CELF2: variants seen among roughly 807,000 people sequenced by gnomAD.
The protein encoded by CELF2 is CUGBP Elav-like family member 2, also known as CUG triplet repeat RNA-binding protein 2.
A neutral mutation model predicts 62.6 loss-of-function variants in CELF2; 8 were observed. The observed-to-expected ratio is 0.13, with a 90% CI of 0.07 to 0.23. The LOEUF is 0.23. CELF2 is among the 10% of genes least tolerant of loss of function. The pLI, the probability that CELF2 is intolerant of heterozygous loss-of-function variation, is 1.00. For missense variants in CELF2, 333 were observed against 671.0 expected, an observed-to-expected ratio of 0.50 and a Z score of 5.56; for synonymous variants, 258 against 250.0, an observed-to-expected ratio of 1.03 and a Z score of -0.30.
At chr10:11,094,141 A>C (rs2049108575) in intron 1 of CELF2, among the ~76,000 whole-genome samples, 1 of 152,184 alleles carries the variant, frequency 6.6e-6, no homozygotes. Flanking sequence ...CCTGGTGTTT[A>C]TGAAACATGT....
intron 1 of CELF2, among the ~76,000 whole-genome samples, chr10:10,849,224 C>G (rs2059216965): frequency 6.7e-6 from 1 of 150,160 alleles, no homozygotes; most frequent in Non-Finnish European, 1.5e-5. Flanking sequence ...TAGTGAAACC[C>G]TATCTCTACT....
rs534633840 is a variant in CELF2, at chr10:11,302,301, C to G, written c.977-11838C>G. ...TTTGACAGCACCGCATCGGATAGTC[C>G]TGACACACGTGGTTCTCTAATGTTT... On this transcript the variant is annotated intron_variant, in intron 9 of 12. Transcript: ENST00000633077. The surrounding 1 kb of genome is among the most constrained non-coding windows in gnomAD (Gnocchi z 5.0). 1.3e-5 allele frequency among the ~76,000 whole-genome samples: 2 copies of G among 152,306 alleles called. No individual in the cohort carries two copies. The highest frequency in any genetic ancestry group is 2.9e-5 in the Non-Finnish European group (2 of 68,036).
rs1166324459 is a variant in CELF2 at position 11,217,383 on chromosome 10, C to T, written c.272-42C>T. On this transcript the variant is annotated intron_variant, in intron 2 of 12. Coordinates refer to ENST00000633077, the MANE Select transcript of CELF2 (RefSeq NM_001326342.2). The surrounding 1 kb of genome is among the most constrained non-coding windows in gnomAD (Gnocchi z 5.6). ...CAGTCTCCATTATATCTAAGCAAAG[C>T]ATTCACAGAAATTTCTAAAACCTTT... 7.3e-7 allele frequency: 1 copy of T among 1,378,300 alleles called. No individual in the cohort carries two copies. 85.4% of individuals were successfully genotyped at this position (1,378,300 alleles called of 1,614,324 possible). A position where few individuals can be genotyped will look rare whatever the true frequency, so the allele number is the denominator to read the frequency against.
intron 1 of CELF2, among the ~76,000 whole-genome samples, chr10:10,889,063 T>C (rs1027085627): frequency 2.0e-5 from 3 of 152,172 alleles, no homozygotes; most frequent in Admixed American, 6.5e-5. Flanking sequence ...TTATTTCTTC[T>C]CTTGTCAGAA....
the CELF2 span, among the ~76,000 whole-genome samples, chr10:10,536,930 A>G: frequency 1.3e-5 from 2 of 152,176 alleles, no homozygotes; most frequent in South Asian, 2.1e-4. Flanking sequence ...AGGGGGCTCC[A>G]CTGGCTAGTG....
At chr10:11,212,429 G>A (rs1228067673) in intron 2 of CELF2, among the ~76,000 whole-genome samples, 1 of 152,206 alleles carries the variant, frequency 6.6e-6, no homozygotes, top group Non-Finnish European at 1.5e-5. Context: ...TAAGGGCCCT[G>A]CTAGATGTTG....
At chr10:10,511,442 A>G in the CELF2 span, among the ~76,000 whole-genome samples, 1 of 151,986 alleles carries the variant, frequency 6.6e-6, no homozygotes, top group African/African-American at 2.4e-5. Context: ...AAATATATGT[A>G]TACATATATT....
the CELF2 span, among the ~76,000 whole-genome samples, chr10:10,658,187 A>G: frequency 6.6e-6 from 1 of 152,100 alleles, no homozygotes; most frequent in Non-Finnish European, 1.5e-5. Flanking sequence ...CTCAAAAAAA[A>G]CCCTAATACA....
At chr10:11,016,634 A>G (rs948892294), upstream of CELF2, among the ~76,000 whole-genome samples, 1 of 152,186 alleles carries the variant, frequency 6.6e-6, no homozygotes, top group African/African-American at 2.4e-5. The surrounding 1 kb of genome is among the most constrained non-coding windows in gnomAD (Gnocchi z 5.2). Context: ...ATCATGTCTG[A>G]TACATTTAAC....
the CELF2 span, among the ~76,000 whole-genome samples, chr10:10,687,676 T>G: frequency 1.3e-5 from 2 of 152,232 alleles, no homozygotes; most frequent in Non-Finnish European, 2.9e-5. Flanking sequence ...CTTTATGAAA[T>G]CATTATAAGC....
the CELF2 span, among the ~76,000 whole-genome samples, chr10:10,757,380 G>A: frequency 6.6e-6 from 1 of 152,222 alleles, no homozygotes; most frequent in East Asian, 1.9e-4. Flanking sequence ...GATCACTTGA[G>A]CCCAGGAGTT....
the CELF2 span, among the ~76,000 whole-genome samples, chr10:10,498,138 G>C: frequency 1.3e-5 from 2 of 152,158 alleles, no homozygotes; most frequent in African/African-American, 4.8e-5. Context: ...CAAAGCATCT[G>C]GCCTGAACAA....
At chr10:10,733,398 A>G in the CELF2 span, among the ~76,000 whole-genome samples, 1 of 152,180 alleles carries the variant, frequency 6.6e-6, no homozygotes, top group South Asian at 2.1e-4. Context: ...ACAAGCTTTA[A>G]GCATGTGGGA....
the CELF2 span, among the ~76,000 whole-genome samples, chr10:10,678,015 T>A: frequency 6.6e-6 from 1 of 152,182 alleles, no homozygotes; most frequent in Non-Finnish European, 1.5e-5. Flanking sequence ...ATCTTTAGTG[T>A]ATATGTATTA....
intron 2 of CELF2, among the ~76,000 whole-genome samples, chr10:10,926,010 A>C (rs1033487498): frequency 1.3e-5 from 2 of 152,064 alleles, no homozygotes; most frequent in African/African-American, 4.8e-5. Flanking sequence ...TTCCTGCACA[A>C]ACCTTTCCCT....
chr10:10,893,829 G>T (rs1286560466), intron 1 of CELF2, among the ~76,000 whole-genome samples: 1 of 152,140 alleles, frequency 6.6e-6, no homozygotes, highest in African/African-American at 2.4e-5. Flanking sequence ...GCACCGAGGG[G>T]ATGGCGCTAA....
At chr10:11,067,340 C>T (rs767331946) in intron 1 of CELF2, among the ~76,000 whole-genome samples, 47 of 152,224 alleles carry the variant, frequency 3.1e-4, no homozygotes, top group Middle Eastern at 3.4e-3. Context: ...TTTGAAGTGC[C>T]GGTAAAAGGC....
At chr10:10,608,475 A>T in the CELF2 span, among the ~76,000 whole-genome samples, 1 of 152,188 alleles carries the variant, frequency 6.6e-6, no homozygotes, top group Non-Finnish European at 1.5e-5. Context: ...GATGCTGCAG[A>T]TGTCTCTGTT....
chr10:10,604,265 T>C, the CELF2 span, among the ~76,000 whole-genome samples: 2 of 152,192 alleles, frequency 1.3e-5, no homozygotes, highest in Admixed American at 1.3e-4. Context: ...ACAAATTAGC[T>C]TAAGATACGA....
Sources: allele counts gnomAD v4.1 joint callset (sites outside exome capture counted in the v4.1 genomes callset), GRCh38; gene constraint gnomAD v4.1.1; non-coding constraint Gnocchi (gnomAD v3.1); transcripts MANE v1.5; gene names NCBI Gene and HGNC (gene_info 2026-07-23, HGNC 2026-07-21).